The following USH2A variants were observed in gnomAD, a reference collection of about 807,000 sequenced individuals.
The protein encoded by USH2A is Usher syndrome 2A (autosomal recessive, mild).
A neutral mutation model predicts 538.9 loss-of-function variants in USH2A; 443 were observed. The observed-to-expected ratio is 0.82, with a 90% CI of 0.76 to 0.89. USH2A has a LOEUF of 0.89. USH2A is among the 40% of genes least tolerant of loss of function. The probability of loss-of-function intolerance (pLI) is 0.00; values close to 1 mark genes in which losing one functional copy is unlikely to be tolerated. For synonymous variants in USH2A, 2,413 were observed against 2,273.5 expected (o/e 1.06, Z -1.75); for missense variants, 6,633 against 6,324.8 (o/e 1.05, Z -1.65).
At chr1:215,864,650 T>TA (rs1664424697) in intron 44 of USH2A, among the ~76,000 whole-genome samples, 1 of 152,164 alleles carries the variant, frequency 6.6e-6, no homozygotes, top group Non-Finnish European at 1.5e-5. Flanking sequence ...TTGCAAATAT[T>TA]ATTTTTTCAA....
At chr1:216,096,717 G>GA (rs1292315299) in intron 22 of USH2A, among the ~76,000 whole-genome samples, 1 of 151,978 alleles carries the variant, frequency 6.6e-6, no homozygotes, top group Admixed American at 6.6e-5. Context: ...GTGAAACAAT[G>GA]AAAAAAGAAA....
intron 65 of USH2A, among the ~76,000 whole-genome samples, chr1:215,649,343 T>A (rs79984606): frequency 0.013 from 1,981 of 152,324 alleles, 43 homozygotes; most frequent in African/African-American, 0.044. Flanking sequence ...TTTGTAGGAT[T>A]ATAAAGTTTT....
intron 20 of USH2A, among the ~76,000 whole-genome samples, chr1:216,178,604 A>T (rs773618851): frequency 3.3e-4 from 50 of 152,114 alleles, no homozygotes; most frequent in Non-Finnish European, 6.2e-4. Flanking sequence ...AATTTGCTAG[A>T]TTCCCTAGGG....
At chr1:215,756,138 A>T (rs895958404) in intron 58 of USH2A, among the ~76,000 whole-genome samples, 13 of 152,154 alleles carry the variant, frequency 8.5e-5, no homozygotes, top group Non-Finnish European at 1.3e-4. Context: ...AAATTACTTC[A>T]TTTGATCTTT....
At chr1:215,657,027 A>C (rs1021792369) in intron 64 of USH2A, among the ~76,000 whole-genome samples, 1 of 152,268 alleles carries the variant, frequency 6.6e-6, no homozygotes, top group East Asian at 1.9e-4. Context: ...GGACAAATAG[A>C]TATTAAAAAG....
At chr1:215,748,920 C>G (rs953515164) in intron 58 of USH2A, among the ~76,000 whole-genome samples, 13 of 152,078 alleles carry the variant, frequency 8.5e-5, no homozygotes, top group Non-Finnish European at 1.5e-4. Context: ...AAATAAAGAA[C>G]AAAAAACAAC....
At chr1:216,114,584 G>C (rs1031255997) in intron 21 of USH2A, among the ~76,000 whole-genome samples, 1 of 152,064 alleles carries the variant, frequency 6.6e-6, no homozygotes, top group Admixed American at 6.6e-5. Context: ...TTCTGTGAAA[G>C]GTAAGTAAAG....
intron 11 of USH2A, among the ~76,000 whole-genome samples, chr1:216,279,133 C>A (rs563179162): frequency 6.6e-6 from 1 of 152,206 alleles, no homozygotes; most frequent in Non-Finnish European, 1.5e-5. Context: ...TTACAGTAAC[C>A]TATTGATGCT....
intron 9 of USH2A, among the ~76,000 whole-genome samples, chr1:216,316,461 G>T (rs1407967488): frequency 6.6e-6 from 1 of 152,124 alleles, no homozygotes; most frequent in Non-Finnish European, 1.5e-5. Context: ...TTCAAGGCCA[G>T]GTAGTTCACC....
At chr1:215,725,571 C>T (rs537777779) in intron 61 of USH2A, among the ~76,000 whole-genome samples, 165 of 152,270 alleles carry the variant, frequency 1.1e-3, no homozygotes, top group African/African-American at 3.7e-3. Flanking sequence ...CTAATGAAGC[C>T]TTCTCTTGAA....
At chr1:216,165,410 A>G (rs2034147270) in intron 21 of USH2A, among the ~76,000 whole-genome samples, 1 of 152,180 alleles carries the variant, frequency 6.6e-6, no homozygotes, top group Non-Finnish European at 1.5e-5. Flanking sequence ...AGCTATAACA[A>G]CTGGTGTACA....
intron 35 of USH2A, among the ~76,000 whole-genome samples, chr1:215,989,484 G>A (rs59271780): frequency 0.017 from 2,551 of 152,198 alleles, 67 homozygotes; most frequent in African/African-American, 0.059. Context: ...AGATCAAGAA[G>A]CAAGGAAATG....
intron 38 of USH2A, among the ~76,000 whole-genome samples, chr1:215,931,683 G>A (rs769092236): frequency 1.3e-5 from 2 of 151,982 alleles, no homozygotes; most frequent in Non-Finnish European, 2.9e-5. Context: ...AAGTCGTTAA[G>A]CAATCTTGAC....
rs550836142 is a variant in USH2A, at chr1:215,838,384, T to C, written c.9259-281A>G. ...CAAAGAGAAAGATACATTAATCTAC[T>C]GAAGAGCATAGTCAAGGAATGGAAG... On this transcript the variant is annotated intron_variant, in intron 46 of 71. Coordinates refer to ENST00000307340, the MANE Select transcript of USH2A (RefSeq NM_206933.4). Among the ~76,000 whole-genome samples the C allele has an allele frequency of 2.3e-3, 349 of 152,318 alleles. 1 individual carries two copies. The highest frequency in any genetic ancestry group is 6.8e-3 in the Middle Eastern group (2 of 294).
intron 37 of USH2A, among the ~76,000 whole-genome samples, chr1:215,937,504 T>C (rs1389297071): frequency 1.3e-5 from 2 of 152,094 alleles, no homozygotes; most frequent in Non-Finnish European, 2.9e-5. Flanking sequence ...ACATAATTCT[T>C]GCACTCAAGA....
intron 21 of USH2A, among the ~76,000 whole-genome samples, chr1:216,171,226 G>A (rs1319856607): frequency 2.0e-5 from 3 of 151,846 alleles, no homozygotes; most frequent in Non-Finnish European, 4.4e-5. Context: ...ATTACAGCCT[G>A]TATTTTGGAT....
intron 11 of USH2A, among the ~76,000 whole-genome samples, chr1:216,261,248 T>G (rs1233933242): frequency 6.6e-6 from 1 of 151,874 alleles, no homozygotes; most frequent in Non-Finnish European, 1.5e-5. Context: ...AAAAGTTGCA[T>G]TCATTAAAAA....
intron 60 of USH2A, among the ~76,000 whole-genome samples, chr1:215,732,470 T>C (rs371409190): frequency 6.6e-6 from 1 of 151,730 alleles, no homozygotes; most frequent in Non-Finnish European, 1.5e-5. Context: ...ATTTCACGGT[T>C]CCATGGCTTT....
In USH2A at chr1:216,120,219, C is replaced by CAAAAAAAAAAAA. The variant is rs10525093; in HGVS notation, c.4628-23018_4628-23007dup. 4.7e-4 allele frequency among the ~76,000 whole-genome samples: 47 copies of CAAAAAAAAAAAA among 100,060 alleles called. 1 individual carries two copies. Among genetic ancestry groups the CAAAAAAAAAAAA allele is most frequent in the African/African-American group, 6.5e-4 (17 of 26,330 alleles). 65.6% of individuals were successfully genotyped at this position (100,060 alleles called of 152,430 possible). On this transcript the variant is annotated intron_variant, in intron 21 of 71. Coordinates refer to ENST00000307340, the MANE Select transcript of USH2A (RefSeq NM_206933.4). ...TATTAAAACAGGTCATACTAAATAG[C>CAAAAAAAAAAAA]AAAAAAAAAAAAAAAAAAAAAAAAA...
Sources: gnomAD v4.1 joint callset for allele counts (sites outside exome capture counted in the v4.1 genomes callset) on GRCh38, gnomAD v4.1.1 for gene constraint, MANE v1.5 for transcripts, NCBI Gene and HGNC (gene_info 2026-07-23, HGNC 2026-07-21) for gene names.